The following IGFALS variants were observed in gnomAD, a reference collection of about 807,000 sequenced individuals.
IGFALS encodes the protein insulin like growth factor binding protein acid labile subunit, also known as insulin-like growth factor-binding protein complex acid labile subunit.
In IGFALS, 2 loss-of-function variants were observed where a neutral mutation model predicts 2.6. The ratio of observed to expected loss-of-function variants is 0.77; its 90% CI spans 0.32 to 2.44. The LOEUF (loss-of-function observed/expected upper bound fraction) is 2.44, where lower values mean the gene tolerates loss of function less well. IGFALS is among the 30% of genes most tolerant of loss of function. IGFALS has a pLI of 0.11. For missense variants in IGFALS, 996 were observed against 848.7 expected, an observed-to-expected ratio of 1.17 and a Z score of -2.16; for synonymous variants, 519 against 431.9, an observed-to-expected ratio of 1.20 and a Z score of -2.50.
In IGFALS at chr16:1,793,671, T is replaced by A. The variant is rs3817902; in HGVS notation, c.-19A>T. 6.3e-7 allele frequency: 1 copy of A among 1,585,668 alleles called. No individual in the cohort carries two copies. Among genetic ancestry groups the A allele is most frequent in the Admixed American group, 1.7e-5 (1 of 57,316 alleles). On this transcript the variant is annotated 5_prime_UTR_variant, in exon 1 of 2. Coordinates refer to ENST00000215539, the MANE Select transcript of IGFALS (RefSeq NM_004970.3). ...GGGCCATCCTGCATGCAGGGCAGGC[T>A]GCAGGCAGGCAGCGAGGGAGGGTAC...
intron 1 of IGFALS, 94 bp downstream of exon 1, chr16:1,793,543 C>T: frequency 7.9e-7 from 1 of 1,270,112 alleles, no homozygotes; most frequent in Non-Finnish European, 1.1e-6. Context: ...CCCCCCAGAG[C>T]TTCCTTGGGG....
upstream of IGFALS, among the ~76,000 whole-genome samples, chr16:1,794,306 C>T (rs556826855): frequency 9.2e-5 from 14 of 152,320 alleles, no homozygotes; most frequent in African/African-American, 3.4e-4. Context: ...GCCACTGCCC[C>T]GCCCCCAGCC....
chr16:1,792,663 G>A (rs1179522124), intron 1 of IGFALS: 3 of 484,304 alleles, frequency 6.2e-6, no homozygotes, highest in African/African-American at 2.0e-5. Flanking sequence ...CGCAGGCCAC[G>A]TGGGCTCGGC....
chr16:1,790,832 T>G lies in IGFALS; in HGVS notation c.1586A>C (p.Glu529Ala). 1 of 1,568,636 alleles carries G rather than the reference T, an allele frequency of 6.4e-7. No homozygotes were observed. Among genetic ancestry groups the G allele is most frequent in the Non-Finnish European group, 8.6e-7 (1 of 1,157,816 alleles). The change falls in exon 2 of 2, where the codon GAG becomes GCG. Residue 529 changes from glutamate to alanine, a missense_variant. Coordinates refer to ENST00000215539, the MANE Select transcript of IGFALS (RefSeq NM_004970.3). Reference sequence around the variant, plus strand: ...GGGGTTACCCTCCAGCCACAGGCGCTCCAGGCCCGGGGGCTGCGGCGTGAA... The same window carrying G: ...GGGGTTACCCTCCAGCCACAGGCGCGCCAGGCCCGGGGGCTGCGGCGTGAA... ...RTFTPQPPGL[E>A]RLWLEGNPWD...
In IGFALS at chr16:1,792,453, G is replaced by A. The variant is rs34680334; in HGVS notation, c.17-52C>T. On this transcript the variant is annotated intron_variant, in intron 1 of 1. Transcript: ENST00000215539. ...GGCCCGAGGAGGGCTCTGCCCGAGT[G>A]AGCCTGATACCAGCACAGCCGGAAG... The A allele has an allele frequency of 0.013, 19,778 of 1,494,870 alleles. 2,124 individuals are homozygous for A. In the African/African-American group the frequency reaches 0.24, roughly 18 times the overall value. 92.6% of individuals were successfully genotyped at this position (1,494,870 alleles called of 1,614,324 possible). A position where few individuals can be genotyped will look rare whatever the true frequency, so the allele number is the denominator to read the frequency against.
chr16:1,792,054 C>T lies in IGFALS; in HGVS notation c.364G>A (p.Glu122Lys), dbSNP rs557721712. 1.2e-6 allele frequency: 2 copies of T among 1,610,476 alleles called. No homozygotes were observed. Among genetic ancestry groups the T allele is most frequent in the East Asian group, 2.2e-5 (1 of 44,804 alleles). ...SLEPQALLGL[E>K]NLCHLHLERN... is the part of the protein sequence containing the mutation. ...TCCAGGTGCAGGTGGCACAGGTTCT[C>T]TAGGCCCAGCAGCGCCTGTGGCTCC... The change falls in exon 2 of 2, where the codon GAG (glutamate) becomes AAG (lysine). Residue 122 changes from glutamate to lysine, a missense_variant. Glu to Lys is a moderately conservative substitution (Grantham distance 56, BLOSUM62 1). Transcript: ENST00000215539.
At chr16:1,793,387 C>T (rs1015469597) in intron 1 of IGFALS, among the ~76,000 whole-genome samples, 37 of 152,214 alleles carry the variant, frequency 2.4e-4, no homozygotes, top group African/African-American at 8.4e-4. Context: ...TGGCCCTCCT[C>T]CCCTGTGCCG....
intron 1 of IGFALS, chr16:1,792,615 C>T (rs1334695107): frequency 9.4e-5 from 80 of 855,002 alleles, no homozygotes; most frequent in South Asian, 2.0e-4. Flanking sequence ...CGCCCCGCCC[C>T]GCTGCACAGA....
In IGFALS at chr16:1,790,467, CT is replaced by C; in HGVS notation, c.*132del. 1.3e-6 allele frequency: 1 copy of C among 794,232 alleles called. No individual in the cohort carries two copies. The highest frequency in any genetic ancestry group is 2.1e-6 in the Non-Finnish European group (1 of 471,822). 49.2% of individuals were successfully genotyped at this position (794,232 alleles called of 1,614,324 possible). On this transcript the variant is annotated 3_prime_UTR_variant, in exon 2 of 2. Coordinates refer to ENST00000215539, the MANE Select transcript of IGFALS (RefSeq NM_004970.3). ...ATGACAGCTGGGGGGGCCGCCATGCCTTCCACCCCATCAGGCCCTTGCGTCT... is the reference window on the plus strand; with the variant it reads ...ATGACAGCTGGGGGGGCCGCCATGCCTCCACCCCATCAGGCCCTTGCGTCT...
chr16:1,792,946 C>T (rs1283806321), intron 1 of IGFALS, among the ~76,000 whole-genome samples: 2 of 152,194 alleles, frequency 1.3e-5, no homozygotes, highest in East Asian at 1.9e-4. Context: ...TCGGGTGCTG[C>T]GGGAGGGGAC....
chr16:1,794,626 C>T (rs933996526), upstream of IGFALS, among the ~76,000 whole-genome samples: 1 of 152,186 alleles, frequency 6.6e-6, no homozygotes, highest in Non-Finnish European at 1.5e-5. Context: ...CAACCAGTCG[C>T]TCTCTCCCCC....
rs749143663 is a variant in IGFALS, at chr16:1,790,827, G to T, written c.1591C>A (p.Leu531Met). 6.4e-7 allele frequency: 1 copy of T among 1,568,366 alleles called. No individual in the cohort carries two copies. Among genetic ancestry groups the T allele is most frequent in the East Asian group, 2.4e-5 (1 of 42,008 alleles). The change falls in exon 2 of 2, where the codon CTG (leucine) becomes ATG (methionine). Residue 531 changes from leucine (L) to methionine (M), a missense_variant. Leu to Met is a conservative substitution (Grantham distance 15, BLOSUM62 2). Transcript: ENST00000215539. ...FTPQPPGLER[L>M]WLEGNPWDCG... ...TCCCAGGGGTTACCCTCCAGCCACA[G>T]GCGCTCCAGGCCCGGGGGCTGCGGC...
In IGFALS at chr16:1,791,320, G is replaced by T; in HGVS notation, c.1098C>A (p.Val366=). The change falls in exon 2 of 2, where the codon GTC becomes GTA. Residue 366 remains valine (V), a synonymous_variant. Transcript: ENST00000215539. The part of the protein sequence containing the change: ...GAFLGLTNVA[V]MNLSGNCLRN... ...GGAGACAGTTCCCAGAGAGGTTCAT[G>T]ACCGCCACGTTGGTGAGGCCGAGGA... 6.2e-7 allele frequency: 1 copy of T among 1,608,612 alleles called. No individual in the cohort carries two copies. The highest frequency in any genetic ancestry group is 1.1e-5 in the South Asian group (1 of 91,064).
rs768071946 is a variant in IGFALS, at chr16:1,790,657, G to A, written c.1761C>T (p.Pro587=). 2.0e-5 allele frequency: 32 copies of A among 1,597,658 alleles called. No homozygotes were observed. Among genetic ancestry groups the A allele is most frequent in the Middle Eastern group, 1.6e-4 (1 of 6,064 alleles). The change falls in exon 2 of 2, where the codon CCC becomes CCT. Residue 587 remains proline (P), a synonymous_variant. Coordinates refer to ENST00000215539, the MANE Select transcript of IGFALS (RefSeq NM_004970.3). ...TYNNITCASP[P]EVVGLDLRDL... ...CCCGCAGGTCGAGCCCCACGACCTC[G>A]GGCGGGCTGGCACAGGTGATGTTGT... is the stretch of plus-strand genomic sequence containing the variant.
At position 1,791,563 on chromosome 16, in the gene IGFALS, C is replaced by T. The variant is rs779959737; in HGVS notation, c.855G>A (p.Thr285=). 50 of 1,568,162 alleles carry T rather than the reference C, an allele frequency of 3.2e-5. No homozygotes were observed. Among genetic ancestry groups the T allele is most frequent in the Non-Finnish European group, 4.1e-5 (47 of 1,158,588 alleles). The change falls in exon 2 of 2, where the codon ACG becomes ACA. Residue 285 remains threonine (T), a synonymous_variant. Transcript: ENST00000215539. ...HNRVAGLLED[T]FPGLLGLRVL... is the part of the protein sequence containing the mutation. ...CACGCAGGCCCAGCAGACCGGGGAA[C>T]GTGTCCTCCAGGAGGCCAGCCACGC... is the stretch of plus-strand genomic sequence containing the variant.
rs935366887 is a variant in IGFALS, at chr16:1,790,453, G to C, written c.*147C>G. 2 of 727,770 alleles carry C rather than the reference G, an allele frequency of 2.7e-6. No homozygotes were observed. Among genetic ancestry groups the C allele is most frequent in the Non-Finnish European group, 4.8e-6 (2 of 412,914 alleles). The allele number at this position is 727,770 out of a possible 1,614,324, so 45.1% of individuals were successfully genotyped here. On this transcript the variant is annotated 3_prime_UTR_variant, in exon 2 of 2. Coordinates refer to ENST00000215539, the MANE Select transcript of IGFALS (RefSeq NM_004970.3). ...TTTGCCTTTAATTGATGACAGCTGG[G>C]GGGGCCGCCATGCCTTCCACCCCAT... is the stretch of plus-strand genomic sequence containing the variant.
chr16:1,792,259 C>T lies in IGFALS; in HGVS notation c.159G>A (p.Ala53=), dbSNP rs756695227. ...AGCTGCAGAAGACGCTGAGCTCATC[C>T]GCGTCGTCATCGTAGCTGCAGACAC... ...AACVCSYDDD[A]DELSVFCSSR... Residue 53 remains alanine, a synonymous_variant, in exon 2 of 2, where the codon GCG becomes GCA. Transcript: ENST00000215539. The T allele has an allele frequency of 1.2e-5, 19 of 1,601,822 alleles. No homozygotes were observed. The highest frequency in any genetic ancestry group is 5.5e-5 in the South Asian group (5 of 91,054).
Position 1,792,191 on chromosome 16 carries a change from G to A in IGFALS, c.227C>T (p.Thr76Ile), listed in dbSNP as rs1230673652. 2 of 1,610,780 alleles carry A rather than the reference G, an allele frequency of 1.2e-6. No individual in the cohort carries two copies. Among genetic ancestry groups the A allele is most frequent in the Non-Finnish European group, 8.5e-7 (1 of 1,179,694 alleles). Residue 76 changes from threonine (T) to isoleucine (I), a missense_variant, in exon 2 of 2, where the codon ACC becomes ATC. Thr to Ile is a moderately conservative substitution (Grantham distance 89). Transcript: ENST00000215539. ...GTTGCCGTCCAGCCACAGGGCTTGGGTGCCGCCCGGGACTCCATCAGGCAG... is the reference window on the plus strand; with the variant it reads ...GTTGCCGTCCAGCCACAGGGCTTGGATGCCGCCCGGGACTCCATCAGGCAG... ...TRLPDGVPGG[T>I]QALWLDGNNL... is the part of the protein sequence containing the mutation.
Position 1,792,255 on chromosome 16 carries a change from C to G in IGFALS, c.163G>C (p.Glu55Gln), listed in dbSNP as rs750865205. 6.2e-7 allele frequency: 1 copy of G among 1,602,398 alleles called. No individual in the cohort carries two copies. The highest frequency in any genetic ancestry group is 8.5e-7 in the Non-Finnish European group (1 of 1,179,716). ...CVCSYDDDAD[E>Q]LSVFCSSRNL... ...CTGGAGCTGCAGAAGACGCTGAGCTCATCCGCGTCGTCATCGTAGCTGCAG... is the reference window on the plus strand; with the variant it reads ...CTGGAGCTGCAGAAGACGCTGAGCTGATCCGCGTCGTCATCGTAGCTGCAG... Residue 55 changes from glutamate to glutamine, a missense_variant, in exon 2 of 2, where the codon GAG (glutamate) becomes CAG (glutamine). Coordinates refer to ENST00000215539, the MANE Select transcript of IGFALS (RefSeq NM_004970.3).
Sources: gnomAD v4.1 joint callset for allele counts (sites outside exome capture counted in the v4.1 genomes callset) on GRCh38, gnomAD v4.1.1 for gene constraint, MANE v1.5 for transcripts, NCBI Gene and HGNC (gene_info 2026-07-23, HGNC 2026-07-21) for gene names.